LRRC53: variants seen among roughly 807,000 people sequenced by gnomAD.
LRRC53 encodes the protein leucine-rich repeat-containing protein 53.
In LRRC53, 25 loss-of-function variants were observed where a neutral mutation model predicts 13.6. The observed-to-expected ratio is 1.83, with a 90% CI of 1.34 to 2.56. LRRC53 has a LOEUF of 2.56. Among genes scored for constraint, LRRC53 ranks in the 30% most tolerant of loss-of-function variants. LRRC53 has a pLI of 0.00. For synonymous variants in LRRC53, 204 were observed against 109.8 expected (o/e 1.86, Z -5.37); for missense variants, 527 against 275.8 (o/e 1.91, Z -6.45).
chr1:74,489,655 G>T (rs1668949992), intron 1 of LRRC53, among the ~76,000 whole-genome samples: 1 of 152,124 alleles, frequency 6.6e-6, no homozygotes, highest in South Asian at 2.1e-4. Flanking sequence ...AATAAAATAT[G>T]TTCATAAATT....
At position 74,485,089 on chromosome 1, in the gene LRRC53, T is replaced by C. The variant is rs565138631; in HGVS notation, c.-26-1714A>G. ...AGGTGTCTAAGAGTAAATAAACCAT[T>C]GTATCAAAGAACTTTCTAGCTAGTG... is the stretch of plus-strand genomic sequence containing the variant. On this transcript the variant is annotated intron_variant, in intron 1 of 4. Coordinates refer to ENST00000294635, the MANE Select transcript of LRRC53 (RefSeq NM_001382280.1). 2.6e-5 allele frequency among the ~76,000 whole-genome samples: 4 copies of C among 152,276 alleles called. No individual in the cohort carries two copies. The East Asian group carries it at 7.7e-4, about 29-fold the overall frequency.
Position 74,469,910 on chromosome 1 carries a change from A to T in LRRC53, c.3712T>A (p.Tyr1238Asn), listed in dbSNP as rs999055017. Residue 1238 changes from tyrosine to asparagine, a missense_variant, in exon 5 of 5, where the codon TAT becomes AAT. Coordinates refer to ENST00000294635, the MANE Select transcript of LRRC53 (RefSeq NM_001382280.1). ...KPVLYPPSAE[Y>N]ATTSPLETE is the part of the protein sequence containing the mutation. ...GTTTCTAAAGGTGATGTAGTAGCAT[A>T]TTCAGCAGATGGTGGATACAGTACA... The T allele has an allele frequency of 1.2e-5, 5 of 400,564 alleles. No homozygotes were observed. The highest frequency in any genetic ancestry group is 6.2e-5 in the African/African-American group (3 of 48,718). 24.8% of individuals were successfully genotyped at this position (400,564 alleles called of 1,614,324 possible). A position where few individuals can be genotyped will look rare whatever the true frequency, so the allele number is the denominator to read the frequency against.
chr1:74,490,017 T>C (rs1281311398), intron 1 of LRRC53, among the ~76,000 whole-genome samples: 6 of 111,490 alleles, frequency 5.4e-5, no homozygotes, highest in Non-Finnish European at 1.0e-4. Flanking sequence ...AGTCTCAAAG[T>C]GGAACCATCA....
At chr1:74,479,068 G>C (rs1315086248) in intron 3 of LRRC53, among the ~76,000 whole-genome samples, 4 of 152,132 alleles carry the variant, frequency 2.6e-5, no homozygotes, top group Non-Finnish European at 1.5e-5. Context: ...TAATTCACTA[G>C]ATAACTGTTA....
At chr1:74,504,976 A>T (rs959076496) in intron 1 of LRRC53, among the ~76,000 whole-genome samples, 15 of 152,188 alleles carry the variant, frequency 9.9e-5, no homozygotes, top group South Asian at 4.1e-4. Context: ...ATGGTGACAG[A>T]TTTCTCAGTT....
chr1:74,485,271 T>G lies in LRRC53; in HGVS notation c.-26-1896A>C, dbSNP rs1570684800. On this transcript the variant is annotated intron_variant, in intron 1 of 4. Transcript: ENST00000294635. ...ACAGTGAATTTCCATGGGCAGAGAA[T>G]AAGCATTAGGTAATTCCAGTCTGAG... is the stretch of plus-strand genomic sequence containing the variant. Among the ~76,000 whole-genome samples the G allele has an allele frequency of 2.6e-5, 4 of 152,328 alleles. No individual in the cohort carries two copies. The South Asian group carries it at 8.3e-4, about 32-fold the overall frequency.
chr1:74,518,029 G>A, the LRRC53 span, among the ~76,000 whole-genome samples: 14 of 152,182 alleles, frequency 9.2e-5, no homozygotes, highest in South Asian at 2.1e-4. Context: ...TTGAGCAAGC[G>A]ATGACCTCGC....
the LRRC53 span, among the ~76,000 whole-genome samples, chr1:74,528,579 A>G: frequency 1.3e-3 from 196 of 152,276 alleles, no homozygotes; most frequent in Admixed American, 4.4e-3. Flanking sequence ...GGATAATGGG[A>G]GCTAGGTTTC....
the LRRC53 span, among the ~76,000 whole-genome samples, chr1:74,533,241 A>T: frequency 2.0e-5 from 3 of 152,364 alleles, no homozygotes; most frequent in East Asian, 5.8e-4. Context: ...CCCATCAAAA[A>T]GTGGGCAAAG....
the LRRC53 span, among the ~76,000 whole-genome samples, chr1:74,522,843 G>A: frequency 1.3e-5 from 2 of 152,154 alleles, no homozygotes; most frequent in Non-Finnish European, 2.9e-5. Context: ...CCTGTAGAAG[G>A]AATTCAAGAT....
chr1:74,509,081 C>G (rs1250441752), intron 1 of LRRC53, among the ~76,000 whole-genome samples: 1 of 152,132 alleles, frequency 6.6e-6, no homozygotes, highest in Non-Finnish European at 1.5e-5. Flanking sequence ...TATTCAGACA[C>G]TTTCTTCTTC....
At chr1:74,529,176 A>G in the LRRC53 span, among the ~76,000 whole-genome samples, 3 of 152,240 alleles carry the variant, frequency 2.0e-5, no homozygotes, top group Admixed American at 6.5e-5. Context: ...CTTATTAATT[A>G]CAAAGAGAAA....
the LRRC53 span, among the ~76,000 whole-genome samples, chr1:74,519,537 A>G: frequency 6.6e-6 from 1 of 151,404 alleles, no homozygotes; most frequent in East Asian, 1.9e-4. Context: ...CATCCTCTCC[A>G]GCACCTGTTG....
At chr1:74,533,743 T>C in the LRRC53 span, among the ~76,000 whole-genome samples, 1 of 152,096 alleles carries the variant, frequency 6.6e-6, no homozygotes, top group Non-Finnish European at 1.5e-5. Context: ...TAAAAAATGA[T>C]GAGTTCATGT....
the LRRC53 span, among the ~76,000 whole-genome samples, chr1:74,530,430 G>T: frequency 6.6e-6 from 1 of 152,120 alleles, no homozygotes; most frequent in African/African-American, 2.4e-5. Context: ...TGTTAGGTGG[G>T]GCAAATTTTG....
intron 2 of LRRC53, among the ~76,000 whole-genome samples, chr1:74,481,788 T>G (rs1668518874): frequency 6.6e-6 from 1 of 152,206 alleles, no homozygotes; most frequent in Non-Finnish European, 1.5e-5. Context: ...TAACACATCT[T>G]TATCATGCTA....
At chr1:74,536,407 A>G in the LRRC53 span, among the ~76,000 whole-genome samples, 1 of 152,148 alleles carries the variant, frequency 6.6e-6, no homozygotes, top group Admixed American at 6.6e-5. Context: ...GGACATCTAT[A>G]CCCCTAAAGC....
intron 1 of LRRC53, among the ~76,000 whole-genome samples, chr1:74,508,111 G>A (rs1669998938): frequency 6.6e-6 from 1 of 152,224 alleles, no homozygotes; most frequent in Non-Finnish European, 1.5e-5. Flanking sequence ...AAAAAGGAGA[G>A]GCAGGCATGT....
chr1:74,511,223 G>A (rs1341298057), intron 1 of LRRC53, among the ~76,000 whole-genome samples: 8 of 140,978 alleles, frequency 5.7e-5, no homozygotes, highest in Admixed American at 1.4e-4. Flanking sequence ...ATGGAATTTC[G>A]CTCTTATTGC....
Sources: allele counts gnomAD v4.1 joint callset (sites outside exome capture counted in the v4.1 genomes callset), GRCh38; gene constraint gnomAD v4.1.1; transcripts MANE v1.5; gene names NCBI Gene and HGNC (gene_info 2026-07-23, HGNC 2026-07-21).